Variants in GPATCH8 observed in about 807,000 individuals in gnomAD.
GPATCH8 encodes G patch domain-containing protein 8.
GPATCH8 carries 18 observed loss-of-function variants against 118.3 expected under a neutral mutation model. The ratio of observed to expected loss-of-function variants is 0.15; its 90% CI spans 0.11 to 0.23. GPATCH8 has a LOEUF of 0.23. Ranked by LOEUF, GPATCH8 falls within the 10% of genes least tolerant of loss-of-function variation. The pLI, the probability that GPATCH8 is intolerant of heterozygous loss-of-function variation, is 1.00. For missense variants in GPATCH8, 1,631 were observed against 1,873.8 expected (o/e 0.87, Z 2.39); for synonymous variants, 659 against 684.7 (o/e 0.96, Z 0.59).
chr17:44,499,912 A>C (rs954944893), intron 1 of GPATCH8, among the ~76,000 whole-genome samples: 5 of 152,178 alleles, frequency 3.3e-5, no homozygotes, highest in Admixed American at 3.3e-4. Flanking sequence ...AAAAAAAAAA[A>C]ACACTTAAAA....
At chr17:44,430,806 CTTT>C (rs369020719) in intron 5 of GPATCH8, among the ~76,000 whole-genome samples, 2 of 129,556 alleles carry the variant, frequency 1.5e-5, no homozygotes, top group African/African-American at 2.8e-5. Context: ...CCACGCCCAG[CTTT>C]TTTTTTTTTT....
chr17:44,459,105 C>T (rs2051450225), intron 3 of GPATCH8, among the ~76,000 whole-genome samples: 1 of 152,072 alleles, frequency 6.6e-6, no homozygotes, highest in Non-Finnish European at 1.5e-5. Flanking sequence ...AGAAGTTAGA[C>T]TCAGGAGTAG....
intron 1 of GPATCH8, among the ~76,000 whole-genome samples, chr17:44,476,929 T>C (rs1185763693): frequency 6.6e-6 from 1 of 152,204 alleles, no homozygotes; most frequent in Non-Finnish European, 1.5e-5. Flanking sequence ...TGCTTTTAAA[T>C]CAAAATATCA....
In GPATCH8 at chr17:44,399,360, T is replaced by C. The variant is rs1022484269; in HGVS notation, c.2717A>G (p.Lys906Arg). ...DYSDRSRRHS[K>R]RSHDSDDSDY... ...TGAGTCATCTGAGTCATGGGAGCGC[T>C]TGGAGTGCCTTCGTGATCTGTCACT... The change falls in exon 8 of 8, where the codon AAG (lysine) becomes AGG (arginine). Residue 906 changes from lysine (K) to arginine (R), a missense_variant. Transcript: ENST00000591680. 1.9e-5 allele frequency: 31 copies of C among 1,614,034 alleles called. No individual in the cohort carries two copies. The highest frequency in any genetic ancestry group is 2.6e-5 in the Non-Finnish European group (31 of 1,180,000).
rs2048945746 is a variant in GPATCH8, at chr17:44,399,906, G to A, written c.2171C>T (p.Pro724Leu). Residue 724 changes from proline (P) to leucine (L), a missense_variant, in exon 8 of 8, where the codon CCA (proline) becomes CTA (leucine). Transcript: ENST00000591680. ...TTTGGGTCCTCGTTCAGAATCTGCT[G>A]GGGCTGATGACTTATTCTTCTTTCG... ...RKRKKNKSSA[P>L]ADSERGPKPE... 1.2e-6 allele frequency: 2 copies of A among 1,613,838 alleles called. No homozygotes were observed. Among genetic ancestry groups the A allele is most frequent in the Admixed American group, 1.7e-5 (1 of 59,966 alleles).
rs79720839 is a variant in GPATCH8, at chr17:44,433,843, A to T, written c.348+1222T>A. Among the ~76,000 whole-genome samples the T allele has an allele frequency of 4.2e-3, 640 of 152,316 alleles. 10 individuals are homozygous for T. Among genetic ancestry groups the T allele is most frequent in the African/African-American group, 0.014 (588 of 41,566 alleles). On this transcript the variant is annotated intron_variant, in intron 5 of 7. Transcript: ENST00000591680. ...AACCAAGAGTAATGAAAATGTTTTA[A>T]AGAAGAAAGAGTATGCCAGGCGCAG...
At chr17:44,454,641 T>C (rs1308435086) in intron 3 of GPATCH8, among the ~76,000 whole-genome samples, 2 of 152,188 alleles carry the variant, frequency 1.3e-5, no homozygotes, top group Admixed American at 1.3e-4. Flanking sequence ...CAGGCTAGTC[T>C]TGAACTCCTG....
intron 2 of GPATCH8, among the ~76,000 whole-genome samples, chr17:44,470,040 G>A (rs62081255): frequency 0.042 from 6,435 of 152,232 alleles, 204 homozygotes; most frequent in Middle Eastern, 0.061. Flanking sequence ...AAACCTATTA[G>A]GTCATCCTGA....
At chr17:44,482,882 C>T (rs1441391043) in intron 1 of GPATCH8, among the ~76,000 whole-genome samples, 2 of 149,992 alleles carry the variant, frequency 1.3e-5, no homozygotes, top group African/African-American at 4.9e-5. Context: ...CTAGGCCGGG[C>T]GCGGTGGCTC....
At chr17:44,405,477 G>T (rs1344671280) in intron 7 of GPATCH8, among the ~76,000 whole-genome samples, 1 of 151,542 alleles carries the variant, frequency 6.6e-6, no homozygotes, top group Non-Finnish European at 1.5e-5. Context: ...CAAAGTGCTG[G>T]GATTATAGGC....
intron 5 of GPATCH8, among the ~76,000 whole-genome samples, chr17:44,424,708 A>G (rs1282205654): frequency 6.6e-6 from 1 of 152,234 alleles, no homozygotes; most frequent in Non-Finnish European, 1.5e-5. Context: ...AAATGTTTAA[A>G]AGGACTAAGG....
intron 1 of GPATCH8, among the ~76,000 whole-genome samples, chr17:44,483,825 TTTGTTGTTG>T (rs55703241): frequency 1.2e-3 from 180 of 149,226 alleles, no homozygotes; most frequent in African/African-American, 3.3e-3. Flanking sequence ...TTTGGTTGTT[TTTGTTGTTG>T]TTGTTGTTGT....
At chr17:44,468,720 A>C (rs1442184428) in intron 2 of GPATCH8, among the ~76,000 whole-genome samples, 1 of 152,066 alleles carries the variant, frequency 6.6e-6, no homozygotes, top group African/African-American at 2.4e-5. Context: ...AAATTACAGA[A>C]ATTTTTTTCA....
intron 1 of GPATCH8, among the ~76,000 whole-genome samples, chr17:44,493,154 G>T (rs1969407916): frequency 6.6e-6 from 1 of 150,802 alleles, no homozygotes. Context: ...CTGGGTTCAT[G>T]CAATTCTCCT....
In GPATCH8 at chr17:44,440,062, G is replaced by A. The variant is rs540673090; in HGVS notation, c.194-3517C>T. Reference sequence around the variant, plus strand: ...CCTCCCAAATGCTGGAATTACAGGCGTGAACCACCTCGCCCGGCCTCAACT... The same window carrying A: ...CCTCCCAAATGCTGGAATTACAGGCATGAACCACCTCGCCCGGCCTCAACT... On this transcript the variant is annotated intron_variant, in intron 3 of 7. Transcript: ENST00000591680. Among the ~76,000 whole-genome samples, 259 of 152,134 alleles carry A rather than the reference G, an allele frequency of 1.7e-3. 1 individual carries two copies. Among genetic ancestry groups the A allele is most frequent in the Admixed American group, 4.3e-3 (65 of 15,278 alleles).
intron 6 of GPATCH8, among the ~76,000 whole-genome samples, chr17:44,408,208 G>A (rs2049302974): frequency 6.8e-6 from 1 of 147,436 alleles, no homozygotes; most frequent in Admixed American, 6.9e-5. Context: ...TTTTGAGATG[G>A]AGTTTTATTC....
chr17:44,497,584 T>C (rs1044308663), intron 1 of GPATCH8, among the ~76,000 whole-genome samples: 3 of 151,714 alleles, frequency 2.0e-5, no homozygotes, highest in Admixed American at 6.6e-5. Context: ...TGAGACCTTG[T>C]CTCAAAAACG....
At chr17:44,401,486 A>G in intron 7 of GPATCH8, 33 bp from the exon 8 acceptor site, 3 of 1,401,904 alleles carry the variant, frequency 2.1e-6, no homozygotes, top group Non-Finnish European at 3.0e-6. Context: ...AAAAAACAAA[A>G]AGCAGGTTTA....
Position 44,398,427 on chromosome 17 carries a change from G to A in GPATCH8, c.3650C>T (p.Ala1217Val). 2 of 1,613,798 alleles carry A rather than the reference G, an allele frequency of 1.2e-6. No homozygotes were observed. The highest frequency in any genetic ancestry group is 1.7e-6 in the Non-Finnish European group (2 of 1,179,818). ...GCCTAGTGGAGCCACAGGGTGATCA[G>A]CAGTAGCTTCTCCAGACTTTGACTC... ...PEESKSGEAT[A>V]DHPVAPLGTP... The change falls in exon 8 of 8, where the codon GCT becomes GTT. Residue 1217 changes from alanine (A) to valine (V), a missense_variant. Around this residue, in one of 8 missense-constraint regions of GPATCH8, gnomAD observed 922 missense variants for 879.7 expected, o/e 1.05. Transcript: ENST00000591680.
Sources: gnomAD v4.1 joint callset for allele counts (sites outside exome capture counted in the v4.1 genomes callset) on GRCh38, gnomAD v4.1.1 for gene constraint, gnomAD v4.1.1 regional missense constraint, MANE v1.5 for transcripts, NCBI Gene and HGNC (gene_info 2026-07-23, HGNC 2026-07-21) for gene names.